LRRC4C: variants seen among roughly 807,000 people sequenced by gnomAD.
The protein encoded by LRRC4C is leucine-rich repeat-containing protein 4C.
In LRRC4C, 5 loss-of-function variants were observed where a neutral mutation model predicts 33.6. The ratio of observed to expected loss-of-function variants is 0.15; its 90% CI spans 0.08 to 0.31. The LOEUF (loss-of-function observed/expected upper bound fraction) is 0.31. LRRC4C is among the 10% of genes least tolerant of loss of function. The pLI, the probability that LRRC4C is intolerant of heterozygous loss-of-function variation, is 1.00. For missense variants in LRRC4C, 560 were observed against 796.7 expected (o/e 0.70, Z 3.58); for synonymous variants, 329 against 302.0 (o/e 1.09, Z -0.93).
intron 1 of LRRC4C, among the ~76,000 whole-genome samples, chr11:41,148,869 A>T (rs1943852188): frequency 6.6e-6 from 1 of 152,164 alleles, no homozygotes; most frequent in Non-Finnish European, 1.5e-5. Flanking sequence ...TCTGGCATAC[A>T]ATGATAATTA....
intron 3 of LRRC4C, among the ~76,000 whole-genome samples, chr11:40,500,098 T>A (rs1954669703): frequency 6.6e-6 from 1 of 151,910 alleles, no homozygotes; most frequent in Admixed American, 6.6e-5. Context: ...GTGCATACAG[T>A]TATGGATTCT....
intron 1 of LRRC4C, among the ~76,000 whole-genome samples, chr11:41,410,725 C>T (rs944889513): frequency 1.3e-5 from 2 of 152,160 alleles, no homozygotes; most frequent in African/African-American, 2.4e-5. Flanking sequence ...TAGGCATGAG[C>T]CACCGCGCCT....
intron 1 of LRRC4C, among the ~76,000 whole-genome samples, chr11:41,298,902 C>T (rs1195716743): frequency 2.6e-5 from 4 of 152,032 alleles, no homozygotes; most frequent in Admixed American, 2.0e-4. Flanking sequence ...ATTTGACATT[C>T]TATTTCTGAG....
intron 1 of LRRC4C, among the ~76,000 whole-genome samples, chr11:41,141,569 G>A (rs1159423961): frequency 3.3e-5 from 5 of 152,068 alleles, no homozygotes; most frequent in African/African-American, 1.2e-4. Context: ...CAGGACCAGT[G>A]GAGATAATTG....
At chr11:40,119,367 T>A (rs1855663355) in intron 6 of LRRC4C, among the ~76,000 whole-genome samples, 2 of 152,252 alleles carry the variant, frequency 1.3e-5, no homozygotes, top group African/African-American at 2.4e-5. Flanking sequence ...ACTATTTTTT[T>A]CCCCCAGCCT....
intron 1 of LRRC4C, among the ~76,000 whole-genome samples, chr11:41,211,090 C>A (rs1320601792): frequency 6.6e-6 from 1 of 152,154 alleles, no homozygotes; most frequent in Non-Finnish European, 1.5e-5. Flanking sequence ...TCCTAACAGG[C>A]CATGAACCAG....
At chr11:41,300,087 G>C (rs1950245682) in intron 1 of LRRC4C, among the ~76,000 whole-genome samples, 1 of 152,108 alleles carries the variant, frequency 6.6e-6, no homozygotes, top group African/African-American at 2.4e-5. Context: ...AACAGAATTA[G>C]GTAACAGGTC....
At chr11:41,190,873 G>A (rs935471742) in intron 1 of LRRC4C, among the ~76,000 whole-genome samples, 1 of 152,054 alleles carries the variant, frequency 6.6e-6, no homozygotes, top group Non-Finnish European at 1.5e-5. Flanking sequence ...TCACTCGTTC[G>A]GCTCCTTAGA....
chr11:41,129,858 C>T (rs767506614), intron 1 of LRRC4C, among the ~76,000 whole-genome samples: 3 of 151,882 alleles, frequency 2.0e-5, no homozygotes, highest in Admixed American at 6.6e-5. Context: ...ACTAATTGCT[C>T]CTACATGAAC....
intron 1 of LRRC4C, among the ~76,000 whole-genome samples, chr11:41,341,777 A>G (rs146307936): frequency 3.3e-5 from 5 of 152,342 alleles, no homozygotes; most frequent in African/African-American, 1.2e-4. Flanking sequence ...GTTTCAGGTA[A>G]ACCATGCCCG....
At chr11:40,834,098 C>T (rs2135568454) in intron 2 of LRRC4C, among the ~76,000 whole-genome samples, 1 of 152,158 alleles carries the variant, frequency 6.6e-6, no homozygotes, top group Admixed American at 6.5e-5. Context: ...GTCATGCCAT[C>T]ATAGTAATTT....
chr11:40,536,383 G>A (rs541066220), intron 3 of LRRC4C, among the ~76,000 whole-genome samples: 3 of 152,110 alleles, frequency 2.0e-5, no homozygotes, highest in South Asian at 2.1e-4. Flanking sequence ...TAGTAGAGAC[G>A]GGGTTTCACC....
chr11:41,327,091 A>G lies in LRRC4C; in HGVS notation c.-496+132340T>C, dbSNP rs551230346. ...TGAGATACAGGAGACTGAGGATTTA[A>G]TTGGGTCAAACGTGGTATAGCTCAT... is the stretch of plus-strand genomic sequence containing the variant. On this transcript the variant is annotated intron_variant, in intron 1 of 6. Transcript: ENST00000528697. Among the ~76,000 whole-genome samples the G allele has an allele frequency of 4.6e-5, 7 of 152,302 alleles. No individual in the cohort carries two copies. The South Asian group carries it at 1.2e-3, about 27-fold the overall frequency.
intron 3 of LRRC4C, among the ~76,000 whole-genome samples, chr11:40,322,854 T>C (rs560929488): frequency 6.6e-6 from 1 of 152,266 alleles, no homozygotes; most frequent in African/African-American, 2.4e-5. Flanking sequence ...ATTGTCAGCA[T>C]CCTCATCATC....
At chr11:40,426,379 T>TG (rs1366327313) in intron 3 of LRRC4C, among the ~76,000 whole-genome samples, 1 of 150,388 alleles carries the variant, frequency 6.6e-6, no homozygotes, top group African/African-American at 2.4e-5. Flanking sequence ...TCCAGCCACT[T>TG]TTTTTTTTAA....
intron 5 of LRRC4C, among the ~76,000 whole-genome samples, chr11:40,176,147 A>G (rs985603842): frequency 2.6e-5 from 4 of 152,184 alleles, no homozygotes; most frequent in Admixed American, 2.6e-4. Context: ...GGGTGATACA[A>G]GGTTATTTCA....
At chr11:41,182,258 T>C (rs1272050266) in intron 1 of LRRC4C, among the ~76,000 whole-genome samples, 1 of 152,174 alleles carries the variant, frequency 6.6e-6, no homozygotes, top group East Asian at 1.9e-4. Context: ...ACTAAAGCAA[T>C]TTCCAGTTGT....
At chr11:41,215,663 C>T (rs1947029618) in intron 1 of LRRC4C, among the ~76,000 whole-genome samples, 1 of 152,020 alleles carries the variant, frequency 6.6e-6, no homozygotes, top group African/African-American at 2.4e-5. Context: ...GCTTCTTTCA[C>T]TGAGTATAAT....
intron 3 of LRRC4C, among the ~76,000 whole-genome samples, chr11:40,361,893 T>C (rs975942432): frequency 6.6e-5 from 10 of 152,108 alleles, no homozygotes; most frequent in Non-Finnish European, 1.2e-4. Flanking sequence ...CAAAACAGCA[T>C]GGTACTGGTA....
Sources: gnomAD v4.1 joint callset for allele counts (sites outside exome capture counted in the v4.1 genomes callset) on GRCh38, gnomAD v4.1.1 for gene constraint, MANE v1.5 for transcripts, NCBI Gene and HGNC (gene_info 2026-07-23, HGNC 2026-07-21) for gene names.